SMAP1: variants seen among roughly 807,000 people sequenced by gnomAD.
SMAP1 encodes stromal membrane-associated protein 1.
A neutral mutation model predicts 58.5 loss-of-function variants in SMAP1; 24 were observed. The observed-to-expected ratio is 0.41, with a 90% confidence interval of 0.30 to 0.58. The LOEUF is 0.58. SMAP1 is among the 20% of genes least tolerant of loss of function. SMAP1 has a pLI of 0.29. For missense variants in SMAP1, 563 were observed against 566.3 expected (o/e 0.99, Z 0.06); for synonymous variants, 216 against 196.6 (o/e 1.10, Z -0.82).
intron 5 of SMAP1, among the ~76,000 whole-genome samples, chr6:70,792,322 A>C (rs373129143): frequency 0.02 from 2,338 of 116,234 alleles, 52 homozygotes; most frequent in African/African-American, 0.066. Flanking sequence ...TTGACTCTTT[A>C]CCTATTTTTT....
chr6:70,668,168 G>A (rs771821100), intron 1 of SMAP1, 27 bp downstream of exon 1: 1 of 1,574,970 alleles, frequency 6.3e-7, no homozygotes, highest in Non-Finnish European at 8.6e-7. Flanking sequence ...CGCTGCCCAC[G>A]GTCGGGGCCT....
chr6:70,774,083 G>A (rs1767445647), intron 4 of SMAP1, among the ~76,000 whole-genome samples: 1 of 152,146 alleles, frequency 6.6e-6, no homozygotes. Flanking sequence ...ATAGTAACAT[G>A]CAGTACAGGT....
At chr6:70,829,234 AT>A (rs972552469) in intron 6 of SMAP1, among the ~76,000 whole-genome samples, 58 of 142,872 alleles carry the variant, frequency 4.1e-4, no homozygotes, top group African/African-American at 1.0e-3. Flanking sequence ...GATTGTGTTT[AT>A]TTTTTTTTTC....
intron 3 of SMAP1, among the ~76,000 whole-genome samples, chr6:70,762,581 C>G (rs1562141364): frequency 6.6e-6 from 1 of 152,098 alleles, no homozygotes; most frequent in Non-Finnish European, 1.5e-5. Context: ...GTTTTCCAAA[C>G]TAGATTTCTT....
At chr6:70,739,512 T>C (rs1388456286) in intron 2 of SMAP1, among the ~76,000 whole-genome samples, 1 of 152,160 alleles carries the variant, frequency 6.6e-6, no homozygotes, top group East Asian at 1.9e-4. Flanking sequence ...TCTGTGCTTA[T>C]GTGTTTAACT....
At chr6:70,747,982 A>T (rs541803082) in intron 2 of SMAP1, among the ~76,000 whole-genome samples, 97 of 152,316 alleles carry the variant, frequency 6.4e-4, no homozygotes, top group African/African-American at 2.3e-3. Flanking sequence ...AACAGAGAAC[A>T]GCTTCCCCTA....
chr6:70,734,238 T>C (rs1181067779), intron 2 of SMAP1, among the ~76,000 whole-genome samples: 1 of 151,996 alleles, frequency 6.6e-6, no homozygotes, highest in East Asian at 1.9e-4. Flanking sequence ...GTTTGTCTCC[T>C]GGGTTCAAGC....
intron 1 of SMAP1, among the ~76,000 whole-genome samples, chr6:70,708,907 G>A (rs1767946879): frequency 6.6e-6 from 1 of 152,150 alleles, no homozygotes; most frequent in East Asian, 1.9e-4. Flanking sequence ...GCCCCAATCT[G>A]TAGGCTGCCT....
At chr6:70,772,167 A>G (rs368583446) in intron 3 of SMAP1, among the ~76,000 whole-genome samples, 3 of 152,236 alleles carry the variant, frequency 2.0e-5, no homozygotes, top group Non-Finnish European at 4.4e-5. Context: ...TGGAAAGTCT[A>G]CACAGACAGT....
chr6:70,789,599 T>C (rs895347762), intron 4 of SMAP1, among the ~76,000 whole-genome samples: 13 of 150,028 alleles, frequency 8.7e-5, no homozygotes, highest in Non-Finnish European at 1.6e-4. Context: ...TTTCTTTTTT[T>C]TTTTTTTGGT....
chr6:70,792,946 A>C (rs1179641762), intron 5 of SMAP1, among the ~76,000 whole-genome samples: 14 of 152,114 alleles, frequency 9.2e-5, no homozygotes, highest in Admixed American at 7.2e-4. Context: ...TTAACCTATT[A>C]CTCTAATCCA....
At chr6:70,842,612 C>T (rs1026470011) in intron 7 of SMAP1, among the ~76,000 whole-genome samples, 4 of 152,138 alleles carry the variant, frequency 2.6e-5, no homozygotes, top group Admixed American at 6.5e-5. Context: ...CTGAATGAGG[C>T]GACTTCAAAC....
At chr6:70,721,381 T>C (rs567825593) in intron 1 of SMAP1, among the ~76,000 whole-genome samples, 25 of 152,306 alleles carry the variant, frequency 1.6e-4, no homozygotes, top group African/African-American at 6.0e-4. Flanking sequence ...TTACTCCAGT[T>C]CCCAACAAGT....
chr6:70,775,981 C>T (rs993866926), intron 4 of SMAP1, among the ~76,000 whole-genome samples: 8 of 152,118 alleles, frequency 5.3e-5, no homozygotes, highest in African/African-American at 1.9e-4. Context: ...AGATTGAGCA[C>T]TCATCCAAAT....
At chr6:70,837,928 T>G in intron 7 of SMAP1, 2 of 1,145,168 alleles carry the variant, frequency 1.7e-6, no homozygotes, top group Non-Finnish European at 2.2e-6. Context: ...GAATGTTTTA[T>G]TCATTTCTTA....
At chr6:70,798,606 T>C in intron 5 of SMAP1, 51 bp from the exon 6 acceptor site, 3 of 1,423,044 alleles carry the variant, frequency 2.1e-6, no homozygotes, top group Non-Finnish European at 2.8e-6. Flanking sequence ...GAGTCAAAAA[T>C]TGCCATTTTT....
intron 2 of SMAP1, among the ~76,000 whole-genome samples, chr6:70,742,079 T>G (rs1765837076): frequency 6.6e-6 from 1 of 152,244 alleles, no homozygotes; most frequent in Non-Finnish European, 1.5e-5. Context: ...TAGGAGGGGC[T>G]GCCAGGAAGG....
At chr6:70,675,668 A>G (rs950619132) in intron 1 of SMAP1, among the ~76,000 whole-genome samples, 5 of 151,254 alleles carry the variant, frequency 3.3e-5, no homozygotes, top group African/African-American at 1.2e-4. Context: ...AAAAAAAAAG[A>G]AAAAAACAAC....
At chr6:70,670,356 A>C (rs1028623387) in intron 1 of SMAP1, among the ~76,000 whole-genome samples, 17 of 152,370 alleles carry the variant, frequency 1.1e-4, no homozygotes, top group African/African-American at 4.1e-4. Flanking sequence ...AAAAAATCAC[A>C]GGTAAGGCCA....
Sources: gnomAD v4.1 joint callset for allele counts (sites outside exome capture counted in the v4.1 genomes callset) on GRCh38, gnomAD v4.1.1 for gene constraint, MANE v1.5 for transcripts, NCBI Gene and HGNC (gene_info 2026-07-23, HGNC 2026-07-21) for gene names.